LIMK2: variants seen among roughly 807,000 people sequenced by gnomAD.
The protein encoded by LIMK2 is LIM domain kinase 2.
LIMK2 carries 35 observed loss-of-function variants against 75.7 expected under a neutral mutation model. The ratio of observed to expected loss-of-function variants is 0.46; its 90% CI spans 0.35 to 0.61. The LOEUF (loss-of-function observed/expected upper bound fraction) is 0.61. Among genes scored for constraint, LIMK2 ranks in the 20% least tolerant of loss-of-function variants. LIMK2 has a pLI of 0.00. For missense variants in LIMK2, 623 were observed against 831.0 expected (o/e 0.75, Z 3.08); for synonymous variants, 301 against 319.2 (o/e 0.94, Z 0.61).
rs1194566756 is a variant in LIMK2, at chr22:31,262,830, T to C, written c.854+39T>C. 1 of 1,475,048 alleles carries C rather than the reference T, an allele frequency of 6.8e-7. No individual in the cohort carries two copies. Among genetic ancestry groups the C allele is most frequent in the Admixed American group, 2.4e-5 (1 of 41,586 alleles). The allele number at this position is 1,475,048 out of a possible 1,614,324, so 91.4% of individuals were successfully genotyped here. A position where few individuals can be genotyped will look rare whatever the true frequency, so the allele number is the denominator to read the frequency against. On this transcript the variant is annotated intron_variant, in intron 7 of 15. Transcript: ENST00000331728. The surrounding 1 kb of genome is among the most constrained non-coding windows in gnomAD (Gnocchi z 5.0). Reference sequence around the variant, plus strand: ...CCCTGGCTCTGTTCTGTCCTATGTCTGTCTCTCGGATGAAGCTGAGCTGGC... The same window carrying C: ...CCCTGGCTCTGTTCTGTCCTATGTCCGTCTCTCGGATGAAGCTGAGCTGGC...
intron 1 of LIMK2, among the ~76,000 whole-genome samples, chr22:31,221,925 T>C (rs2048437786): frequency 6.6e-6 from 1 of 152,194 alleles, no homozygotes; most frequent in South Asian, 2.1e-4. Flanking sequence ...AGCGGGTCCA[T>C]TGAATTTAGC....
Position 31,278,316 on chromosome 22 carries a change from G to T in LIMK2, c.1792G>T (p.Glu598Ter). The stretch of plus-strand genomic sequence containing the variant: ...TTCTAGACCAGCATTCTCGAAATTG[G>T]AGGACTCCTTTGAGGCCCTCTCCCT... Reference protein sequence around the residue: ...PESRPAFSKLEDSFEALSLYL... With the variant: ...PESRPAFSKL The change falls in exon 16 of 16, where the codon GAG (glutamate) becomes TAG (stop). Residue 598 changes from glutamate (E) to a stop codon, truncating the protein, a stop_gained. Coordinates refer to ENST00000331728, the MANE Select transcript of LIMK2 (RefSeq NM_005569.4). LOFTEE classifies it high-confidence loss of function. 6.2e-7 allele frequency: 1 copy of T among 1,612,406 alleles called. No individual in the cohort carries two copies.
At chr22:31,220,927 G>A (rs1046632733) in intron 1 of LIMK2, among the ~76,000 whole-genome samples, 6 of 152,232 alleles carry the variant, frequency 3.9e-5, no homozygotes, top group African/African-American at 1.2e-4. Flanking sequence ...TTGTGCCATT[G>A]CACTCCAGCC....
At chr22:31,225,356 G>A (rs1221411244) in intron 1 of LIMK2, among the ~76,000 whole-genome samples, 1 of 152,178 alleles carries the variant, frequency 6.6e-6, no homozygotes, top group African/African-American at 2.4e-5. Flanking sequence ...TCATAGGAAG[G>A]GCTGACACTG....
chr22:31,273,309 G>A, intron 13 of LIMK2, 143 bp from the exon 14 acceptor site: 2 of 711,764 alleles, frequency 2.8e-6, no homozygotes, highest in South Asian at 1.7e-5. Context: ...TTCAGGTGGT[G>A]TCTGCGCAGG....
chr22:31,276,469 G>A (rs921534124), intron 15 of LIMK2, among the ~76,000 whole-genome samples: 9 of 142,586 alleles, frequency 6.3e-5, no homozygotes, highest in Non-Finnish European at 9.3e-5. Flanking sequence ...CGGCAGCCCC[G>A]GCGGCGGCCG....
At chr22:31,229,974 C>T (rs2048512868) in intron 2 of LIMK2, 1 of 151,960 alleles carries the variant, frequency 6.6e-6, no homozygotes, top group Non-Finnish European at 1.5e-5. Flanking sequence ...GGACATATGG[C>T]TGACTAGTCC....
intron 2 of LIMK2, among the ~76,000 whole-genome samples, chr22:31,242,150 G>A (rs900411276): frequency 7.2e-5 from 11 of 152,094 alleles, no homozygotes; most frequent in African/African-American, 2.7e-4. Context: ...AAATGCCTGT[G>A]GAAATCCAAG....
chr22:31,231,962 G>C (rs532283815), intron 2 of LIMK2, among the ~76,000 whole-genome samples: 118 of 151,992 alleles, frequency 7.8e-4, no homozygotes, highest in Non-Finnish European at 1.4e-3. Context: ...GACTACAGGC[G>C]TGCCACCACA....
chr22:31,275,357 G>A lies in LIMK2; in HGVS notation c.1772+49G>A, dbSNP rs767557070. ...CAGCTCACAGGGTCCTGGGACGTTT[G>A]CCTCTGTCTAAGGCCACCCCTGAGC... On this transcript the variant is annotated intron_variant, in intron 15 of 15. Transcript: ENST00000331728. The A allele has an allele frequency of 8.7e-6, 14 of 1,602,018 alleles. No homozygotes were observed. In the Admixed American group the frequency reaches 2.2e-4, roughly 25 times the overall value.
Position 31,278,352 on chromosome 22 carries a change from G to A in LIMK2, c.1828G>A (p.Glu610Lys). 3 of 1,613,996 alleles carry A rather than the reference G, an allele frequency of 1.9e-6. No individual in the cohort carries two copies. The highest frequency in any genetic ancestry group is 1.7e-4 in the Middle Eastern group (1 of 6,060). The change falls in exon 16 of 16, where the codon GAG becomes AAG. Residue 610 changes from glutamate (E) to lysine (K), a missense_variant. Physicochemically the swap from Glu to Lys is moderately conservative, Grantham distance 56. Around this residue, in one of 3 missense-constraint regions of LIMK2, gnomAD observed 46 missense variants for 46.9 expected, o/e 0.98. Transcript: ENST00000331728. ...SFEALSLYLG[E>K]LGIPLPAELE... ...TGAGGCCCTCTCCCTGTACCTGGGG[G>A]AGCTGGGCATCCCGCTGCCTGCAGA... is the stretch of plus-strand genomic sequence containing the variant.
intron 2 of LIMK2, among the ~76,000 whole-genome samples, chr22:31,253,875 T>C (rs1055140146): frequency 6.6e-6 from 1 of 152,354 alleles, no homozygotes; most frequent in Non-Finnish European, 1.5e-5. Context: ...TAGCTGTTAA[T>C]TGATAGCTAA....
At chr22:31,221,305 T>G (rs1279774483) in intron 1 of LIMK2, among the ~76,000 whole-genome samples, 1 of 151,892 alleles carries the variant, frequency 6.6e-6, no homozygotes, top group East Asian at 1.9e-4. Flanking sequence ...CCTTTGCACA[T>G]GTCCCCCCTC....
chr22:31,255,970 T>C (rs900519771), intron 2 of LIMK2, among the ~76,000 whole-genome samples: 9 of 144,512 alleles, frequency 6.2e-5, no homozygotes, highest in Non-Finnish European at 1.1e-4. Flanking sequence ...GTTTCTACTA[T>C]ATTGGGTCTT....
intron 1 of LIMK2, among the ~76,000 whole-genome samples, chr22:31,224,762 G>A (rs139724135): frequency 8.8e-4 from 134 of 152,312 alleles, no homozygotes; most frequent in Admixed American, 1.4e-3. Flanking sequence ...ACATGAAAGA[G>A]CAGTTCTTTT....
rs1199508052 is a variant in LIMK2 at position 31,212,308 on chromosome 22, G to C, written c.-101G>C. 3 of 1,234,006 alleles carry C rather than the reference G, an allele frequency of 2.4e-6. No individual in the cohort carries two copies. The highest frequency in any genetic ancestry group is 3.1e-5 in the African/African-American group (2 of 64,706). 76.4% of individuals were successfully genotyped at this position (1,234,006 alleles called of 1,614,324 possible). ...GCGCCTGGGGCTGTGGTCTTCCCGC[G>C]CCTGAGGCGGCGGCGGCAGGAGCTG... is the stretch of plus-strand genomic sequence containing the variant. On this transcript the variant is annotated 5_prime_UTR_variant, in exon 1 of 16. Coordinates refer to ENST00000331728, the MANE Select transcript of LIMK2 (RefSeq NM_005569.4).
At chr22:31,268,116 C>T in intron 10 of LIMK2, 28 bp from the exon 11 acceptor site, 1 of 1,611,962 alleles carries the variant, frequency 6.2e-7, no homozygotes, top group East Asian at 2.2e-5. Context: ...GGCTCAACAG[C>T]CTCTGAAAAT....
chr22:31,233,206 C>A (rs1053738040), intron 2 of LIMK2, among the ~76,000 whole-genome samples: 2 of 152,210 alleles, frequency 1.3e-5, no homozygotes, highest in Non-Finnish European at 2.9e-5. Context: ...CTTAACCATT[C>A]TTTGCCACAG....
At position 31,253,308 on chromosome 22, in the gene LIMK2, T is replaced by C. The variant is rs117777206; in HGVS notation, c.117-4983T>C. On this transcript the variant is annotated intron_variant, in intron 2 of 15. Coordinates refer to ENST00000331728, the MANE Select transcript of LIMK2 (RefSeq NM_005569.4). ...CTTGAAACTTCCAAAAATTGAAAGG[T>C]AGAAAAACAGCCTTGGCTTTGGGAA... Among the ~76,000 whole-genome samples, 25 of 152,270 alleles carry C rather than the reference T, an allele frequency of 1.6e-4. No individual in the cohort carries two copies. The East Asian group carries it at 4.8e-3, about 29-fold the overall frequency.
Sources: gnomAD v4.1 joint callset for allele counts (sites outside exome capture counted in the v4.1 genomes callset) on GRCh38, gnomAD v4.1.1 for gene constraint, gnomAD v4.1.1 regional missense constraint, Gnocchi (gnomAD v3.1) non-coding constraint, MANE v1.5 for transcripts, NCBI Gene and HGNC (gene_info 2026-07-23, HGNC 2026-07-21) for gene names.